RPAIN: variants seen among roughly 807,000 people sequenced by gnomAD.
RPAIN encodes RPA-interacting protein.
In RPAIN, 29 loss-of-function variants were observed where a neutral mutation model predicts 30.5. The observed-to-expected ratio is 0.95, with a 90% CI of 0.71 to 1.30. RPAIN has a LOEUF of 1.30. Among genes scored for constraint, RPAIN ranks in the 50% most tolerant of loss-of-function variants. The pLI is 0.00. For missense variants in RPAIN, 247 were observed against 264.7 expected (o/e 0.93, Z 0.46); for synonymous variants, 101 against 93.5 (o/e 1.08, Z -0.46).
intron 6 of RPAIN, chr17:5,431,612 G>T (rs967550859): frequency 1.5e-5 from 7 of 456,434 alleles, no homozygotes; most frequent in Non-Finnish European, 2.6e-5. Flanking sequence ...ACTTAAGGGG[G>T]AATCAAGGAC....
At chr17:5,426,639 A>AT (rs35657465) in intron 5 of RPAIN, 14,010 of 148,956 alleles carry the variant, frequency 0.094, 934 homozygotes, top group African/African-American at 0.18. Context: ...AGCTTCAGTA[A>AT]TTTTTTTTTT....
chr17:5,422,870 A>G (rs1915011145), intron 3 of RPAIN, 41 bp downstream of exon 3: 2 of 1,445,570 alleles, frequency 1.4e-6, no homozygotes, highest in Non-Finnish European at 1.9e-6. Flanking sequence ...GTATTTAGCT[A>G]CTGGAATACT....
At position 5,426,243 on chromosome 17, in the gene RPAIN, C is replaced by G; in HGVS notation, c.433C>G (p.Leu145Val). ...LICPVCTKYN[L>V]RITSGVVVCQ... ...TCCTAATTCTGCTTCTAGGTACAAC[C>G]TGAGAATCACAAGCGGTGTGGTGGT... Residue 145 changes from leucine (L) to valine (V), a missense_variant, in exon 5 of 7, where the codon CTG becomes GTG. By Grantham distance (32) the Leu-to-Val change is conservative (BLOSUM62 1). Coordinates refer to ENST00000381209, the MANE Select transcript of RPAIN (RefSeq NM_001033002.4). 6.2e-7 allele frequency: 1 copy of G among 1,614,168 alleles called. No individual in the cohort carries two copies. The highest frequency in any genetic ancestry group is 8.5e-7 in the Non-Finnish European group (1 of 1,179,970).
intron 1 of RPAIN, among the ~76,000 whole-genome samples, chr17:5,420,996 A>T (rs920516911): frequency 6.6e-6 from 1 of 152,202 alleles, no homozygotes; most frequent in Non-Finnish European, 1.5e-5. Flanking sequence ...GAGTAGCAAG[A>T]ATTTGGAAGG....
At chr17:5,429,216 T>C (rs1915681288) in intron 6 of RPAIN, 2 of 983,686 alleles carry the variant, frequency 2.0e-6, no homozygotes, top group Non-Finnish European at 2.4e-6. Context: ...ATCTCCTTTA[T>C]GGTGACACCT....
chr17:5,428,965 C>T, intron 6 of RPAIN: 1 of 962,144 alleles, frequency 1.0e-6, no homozygotes, highest in Non-Finnish European at 1.2e-6. Flanking sequence ...AGTTAACCTA[C>T]AGAGGTCATT....
At chr17:5,420,649 C>G (rs1279871119) in intron 1 of RPAIN, among the ~76,000 whole-genome samples, 1 of 151,494 alleles carries the variant, frequency 6.6e-6, no homozygotes, top group Admixed American at 6.6e-5. Context: ...TAAAATGAGG[C>G]TTAGAAGAGG....
chr17:5,421,044 ATAT>A (rs2151656925), intron 1 of RPAIN, among the ~76,000 whole-genome samples: 1 of 152,340 alleles, frequency 6.6e-6, no homozygotes, highest in East Asian at 1.9e-4. Flanking sequence ...GGATGCTGAG[ATAT>A]TATGCACACA....
At position 5,426,230 on chromosome 17, in the gene RPAIN, T is replaced by C; in HGVS notation, c.426-6T>C. On this transcript the variant is annotated splice_polypyrimidine_tract_variant and splice_region_variant and intron_variant, in intron 4 of 6. Transcript: ENST00000381209. ...TGATGCTCTGGGATCCTAATTCTGCTTCTAGGTACAACCTGAGAATCACAA... is the reference window on the plus strand; with the variant it reads ...TGATGCTCTGGGATCCTAATTCTGCCTCTAGGTACAACCTGAGAATCACAA... 1 of 1,614,176 alleles carries C rather than the reference T, an allele frequency of 6.2e-7. No individual in the cohort carries two copies. The highest frequency in any genetic ancestry group is 8.5e-7 in the Non-Finnish European group (1 of 1,179,962).
At chr17:5,430,914 T>A (rs1915841209) in intron 6 of RPAIN, 1 of 157,616 alleles carries the variant, frequency 6.3e-6, no homozygotes, top group Non-Finnish European at 1.4e-5. Flanking sequence ...AAAATGCTGG[T>A]CGGGGGAAGA....
intron 6 of RPAIN, chr17:5,429,601 T>G (rs2151670611): frequency 1.0e-6 from 1 of 985,456 alleles, no homozygotes; most frequent in African/African-American, 1.7e-5. Flanking sequence ...TCCATCAGCT[T>G]GTATGGAAAG....
At chr17:5,424,635 G>A (rs1205006173) in intron 3 of RPAIN, among the ~76,000 whole-genome samples, 3 of 152,202 alleles carry the variant, frequency 2.0e-5, no homozygotes, top group Admixed American at 1.3e-4. Context: ...ACTTTAATTT[G>A]TGTGGCACCG....
intron 6 of RPAIN, chr17:5,429,561 G>A: frequency 1.0e-6 from 1 of 985,390 alleles, no homozygotes; most frequent in Non-Finnish European, 1.2e-6. Flanking sequence ...TCCTGCTCCA[G>A]GCTCAGGCCT....
At chr17:5,421,566 TC>T in intron 2 of RPAIN, 100 bp downstream of exon 2, 1 of 1,042,938 alleles carries the variant, frequency 9.6e-7, no homozygotes, top group Non-Finnish European at 1.4e-6. Flanking sequence ...AACCCACCAT[TC>T]CCCTAACCCC....
rs1399136570 is a variant in RPAIN, at chr17:5,432,656, A to ATAAC, written c.*87_*90dup. The ATAAC allele has an allele frequency of 3.1e-6, 4 of 1,282,800 alleles. No homozygotes were observed. The African/African-American group carries it at 4.5e-5, about 14-fold the overall frequency. 79.5% of individuals were successfully genotyped at this position (1,282,800 alleles called of 1,614,324 possible). A position where few individuals can be genotyped will look rare whatever the true frequency, so the allele number is the denominator to read the frequency against. On this transcript the variant is annotated 3_prime_UTR_variant, in exon 7 of 7. Transcript: ENST00000381209. ...CCTTGTACATACAAGCCTTTTATTTATAACTTATTTTGTATTGAAACTTTT... is the reference window on the plus strand; with the variant it reads ...CCTTGTACATACAAGCCTTTTATTTATAACTAACTTATTTTGTATTGAAACTTTT...
In RPAIN at chr17:5,427,550, A is replaced by G. The variant is rs187739890; in HGVS notation, c.490-521A>G. The G allele has an allele frequency of 4.5e-5, 7 of 153,924 alleles. 1 individual carries two copies. Among genetic ancestry groups the G allele is most frequent in the African/African-American group, 1.7e-4 (7 of 41,270 alleles). 9.5% of individuals were successfully genotyped at this position (153,924 alleles called of 1,614,324 possible). On this transcript the variant is annotated intron_variant, in intron 5 of 6. Transcript: ENST00000381209. ...TACAACTTAGGAATTTTTCCTCCCCATCTTTTACCTAATTCTATAGCTCTT... is the reference window on the plus strand; with the variant it reads ...TACAACTTAGGAATTTTTCCTCCCCGTCTTTTACCTAATTCTATAGCTCTT...
chr17:5,425,977 C>A lies in RPAIN; in HGVS notation c.320C>A (p.Ser107Tyr), dbSNP rs1365428041. 4.3e-6 allele frequency: 7 copies of A among 1,612,266 alleles called. No homozygotes were observed. The African/African-American group carries it at 9.3e-5, about 22-fold the overall frequency. ...AACTGCCTTTGCCTTGCAGAGCAGT[C>A]CATCATCAGCGAGTATGAGAAGAGC... ...IQQELINQEQ[S>Y]IISEYEKSLQ... is the part of the protein sequence containing the mutation. Residue 107 changes from serine to tyrosine, a missense_variant, in exon 4 of 7, where the codon TCC becomes TAC. By Grantham distance (144) the Ser-to-Tyr change is moderately radical. Coordinates refer to ENST00000381209, the MANE Select transcript of RPAIN (RefSeq NM_001033002.4).
At chr17:5,430,675 C>T (rs990944588) in intron 6 of RPAIN, 1 of 152,148 alleles carries the variant, frequency 6.6e-6, no homozygotes, top group African/African-American at 2.4e-5. Flanking sequence ...AGGGCAAGGC[C>T]CATATTTATT....
At chr17:5,425,005 C>A (rs1196893673) in intron 3 of RPAIN, 3 of 234,152 alleles carry the variant, frequency 1.3e-5, no homozygotes, top group Non-Finnish European at 2.5e-5. Context: ...CAGAAGTTGG[C>A]AGACTTTTTG....
Sources: allele counts gnomAD v4.1 joint callset (sites outside exome capture counted in the v4.1 genomes callset), GRCh38; gene constraint gnomAD v4.1.1; transcripts MANE v1.5; gene names NCBI Gene and HGNC (gene_info 2026-07-23, HGNC 2026-07-21).